Variants in SPOPL observed in about 807,000 individuals in gnomAD.
SPOPL encodes the protein speckle type BTB/POZ protein like.
A neutral mutation model predicts 53.8 loss-of-function variants in SPOPL; 23 were observed. The observed-to-expected ratio is 0.43, with a 90% CI of 0.31 to 0.61. The LOEUF (loss-of-function observed/expected upper bound fraction) is 0.61, where lower values mean the gene tolerates loss of function less well. Among genes scored for constraint, SPOPL ranks in the 20% least tolerant of loss-of-function variants. The pLI is 0.12. For missense variants in SPOPL, 442 were observed against 466.9 expected, an observed-to-expected ratio of 0.95 and a Z score of 0.49; for synonymous variants, 164 against 149.7, an observed-to-expected ratio of 1.10 and a Z score of -0.70.
intron 1 of SPOPL, among the ~76,000 whole-genome samples, chr2:138,537,969 AT>A: frequency 6.6e-6 from 1 of 151,828 alleles, no homozygotes; most frequent in Non-Finnish European, 1.5e-5. Context: ...GTCTGTTCAC[AT>A]TTTCGGTTTC....
intron 1 of SPOPL, among the ~76,000 whole-genome samples, chr2:138,507,301 TC>T (rs1228413564): frequency 1.3e-5 from 2 of 152,212 alleles, no homozygotes; most frequent in African/African-American, 2.4e-5. Context: ...CTAAAACTTT[TC>T]ACAGCTTATT....
chr2:138,527,029 G>A (rs1271755487), intron 1 of SPOPL, among the ~76,000 whole-genome samples: 3 of 152,098 alleles, frequency 2.0e-5, no homozygotes, highest in Non-Finnish European at 4.4e-5. Context: ...CCCAACCTGA[G>A]TATGGAATTC....
At chr2:138,541,951 G>T (rs192669408) in intron 1 of SPOPL, among the ~76,000 whole-genome samples, 82 of 151,986 alleles carry the variant, frequency 5.4e-4, no homozygotes, top group Non-Finnish European at 4.7e-4. Flanking sequence ...TGTTCTCGTT[G>T]GTTTCAAAGA....
At chr2:138,544,878 C>T (rs1026691850) in intron 1 of SPOPL, among the ~76,000 whole-genome samples, 4 of 152,196 alleles carry the variant, frequency 2.6e-5, no homozygotes, top group Non-Finnish European at 5.9e-5. Context: ...CTTGGCTCCA[C>T]CCCCCACCTG....
intron 1 of SPOPL, among the ~76,000 whole-genome samples, chr2:138,531,678 T>C (rs1338156471): frequency 1.3e-5 from 2 of 152,166 alleles, no homozygotes; most frequent in Non-Finnish European, 1.5e-5. Flanking sequence ...CCTTTTGCTG[T>C]TTAGTCTATT....
At position 138,564,967 on chromosome 2, in the gene SPOPL, T is replaced by C. The variant is rs762400051; in HGVS notation, c.1008T>C (p.Cys336=). The C allele has an allele frequency of 1.5e-5, 25 of 1,613,978 alleles. No individual in the cohort carries two copies. The highest frequency in any genetic ancestry group is 2.1e-5 in the Non-Finnish European group (25 of 1,180,002). Residue 336 remains cysteine (C), a synonymous_variant, in exon 10 of 11, where the codon TGT becomes TGC. Transcript: ENST00000280098. The part of the protein sequence containing the change: ...NRCSVLRQLG[C]KDGKNWNSNQ... ...GCAGTGTACTTCGACAACTTGGGTG[T>C]AAAGATGGGAAAAACTGGAACAGCA...
intron 1 of SPOPL, among the ~76,000 whole-genome samples, chr2:138,539,622 T>G (rs1685020788): frequency 6.6e-6 from 1 of 152,204 alleles, no homozygotes; most frequent in African/African-American, 2.4e-5. Flanking sequence ...GTAAATTTGT[T>G]TGAGTTCTTT....
intron 5 of SPOPL, among the ~76,000 whole-genome samples, chr2:138,557,198 C>G (rs190587841): frequency 4.6e-5 from 7 of 152,144 alleles, no homozygotes; most frequent in Non-Finnish European, 1.0e-4. Context: ...GTCTAGTCTT[C>G]CTTTGGTACA....
rs939484597 is a variant in SPOPL at position 138,573,534 on chromosome 2, G to C, written c.*4454G>C. 2.0e-5 allele frequency: 3 copies of C among 152,074 alleles called. No homozygotes were observed. Among genetic ancestry groups the C allele is most frequent in the African/African-American group, 7.2e-5 (3 of 41,414 alleles). 9.4% of individuals were successfully genotyped at this position (152,074 alleles called of 1,614,324 possible). A position where few individuals can be genotyped will look rare whatever the true frequency, so the allele number is the denominator to read the frequency against. ...TCATTCCTATCCTGTCTTAATTTCA[G>C]TTATCCCAGACAATTTAATCATTTG... On this transcript the variant is annotated 3_prime_UTR_variant, in exon 11 of 11. Transcript: ENST00000280098.
chr2:138,556,790 T>G (rs1685434176), intron 5 of SPOPL, among the ~76,000 whole-genome samples: 1 of 152,212 alleles, frequency 6.6e-6, no homozygotes, highest in Non-Finnish European at 1.5e-5. Flanking sequence ...TAATAAATGC[T>G]TATTGGTCAT....
chr2:138,566,861 C>G (rs886796676), intron 10 of SPOPL, among the ~76,000 whole-genome samples: 1 of 152,120 alleles, frequency 6.6e-6, no homozygotes, highest in Non-Finnish European at 1.5e-5. Flanking sequence ...TGTACAAGCA[C>G]TTGACTAACC....
At chr2:138,530,867 A>G (rs752938011) in intron 1 of SPOPL, among the ~76,000 whole-genome samples, 1 of 151,770 alleles carries the variant, frequency 6.6e-6, no homozygotes, top group Non-Finnish European at 1.5e-5. Context: ...TGGAAGTGGT[A>G]GTAGTGGTCT....
At chr2:138,534,195 G>A (rs1471668156) in intron 1 of SPOPL, among the ~76,000 whole-genome samples, 1 of 152,084 alleles carries the variant, frequency 6.6e-6, no homozygotes, top group Admixed American at 6.5e-5. Flanking sequence ...AATAGTTATA[G>A]AAGGTGTTTT....
At chr2:138,509,133 G>T (rs1203130716) in intron 1 of SPOPL, among the ~76,000 whole-genome samples, 1 of 152,082 alleles carries the variant, frequency 6.6e-6, no homozygotes, top group African/African-American at 2.4e-5. Flanking sequence ...GGTTGGGACA[G>T]GTTAGATAGG....
rs534157005 is a variant in SPOPL, at chr2:138,565,834, C to T, written c.1034+841C>T. Among the ~76,000 whole-genome samples, 6 of 151,352 alleles carry T rather than the reference C, an allele frequency of 4.0e-5. No individual in the cohort carries two copies. In the South Asian group the frequency reaches 8.4e-4, roughly 21 times the overall value. ...CTGCGAGCTCCACCTCCTGGGTTCACGCCATTCTCCTGCCTCAGCCTCCCA... is the reference window on the plus strand; with the variant it reads ...CTGCGAGCTCCACCTCCTGGGTTCATGCCATTCTCCTGCCTCAGCCTCCCA... On this transcript the variant is annotated intron_variant, in intron 10 of 10. Coordinates refer to ENST00000280098, the MANE Select transcript of SPOPL (RefSeq NM_001001664.3).
intron 7 of SPOPL, 74 bp from the exon 8 acceptor site, chr2:138,560,731 T>C: frequency 6.7e-7 from 1 of 1,483,486 alleles, no homozygotes; most frequent in South Asian, 1.3e-5. Context: ...TAAATTACTG[T>C]CAAAGATTCA....
intron 1 of SPOPL, among the ~76,000 whole-genome samples, chr2:138,549,339 A>G (rs1216109152): frequency 6.6e-6 from 1 of 152,070 alleles, no homozygotes; most frequent in Admixed American, 6.6e-5. Flanking sequence ...CTGTGGTAGC[A>G]TAGGGTTCTG....
In SPOPL at chr2:138,550,902, G is replaced by A; in HGVS notation, c.201-1G>A. ...CATGTGAGCTTATTGTTTTATTTTA[G>A]GTGCCTGAGGGTAAACCCAAAGGGA... is the stretch of plus-strand genomic sequence containing the variant. On this transcript the variant is annotated splice_acceptor_variant, in intron 3 of 10. Coordinates refer to ENST00000280098, the MANE Select transcript of SPOPL (RefSeq NM_001001664.3). LOFTEE classifies it high-confidence loss of function. The A allele has an allele frequency of 6.3e-7, 1 of 1,598,120 alleles. No homozygotes were observed. Among genetic ancestry groups the A allele is most frequent in the Non-Finnish European group, 8.5e-7 (1 of 1,173,798 alleles).
chr2:138,518,777 G>A (rs527588441), intron 1 of SPOPL, among the ~76,000 whole-genome samples: 65 of 152,332 alleles, frequency 4.3e-4, no homozygotes, highest in South Asian at 1.7e-3. Flanking sequence ...AATAGCTGGT[G>A]TATACCTGAT....
Sources: allele counts gnomAD v4.1 joint callset (sites outside exome capture counted in the v4.1 genomes callset), GRCh38; gene constraint gnomAD v4.1.1; transcripts MANE v1.5; gene names NCBI Gene and HGNC (gene_info 2026-07-23, HGNC 2026-07-21).